ANKRD50: variants seen among roughly 807,000 people sequenced by gnomAD.
ANKRD50 encodes the protein ankyrin repeat domain 50.
In ANKRD50, 40 loss-of-function variants were observed where a neutral mutation model predicts 112.0. The ratio of observed to expected loss-of-function variants is 0.36; its 90% CI spans 0.28 to 0.46. ANKRD50 has a LOEUF of 0.46. Among genes scored for constraint, ANKRD50 ranks in the 20% least tolerant of loss-of-function variants. The pLI, the probability that ANKRD50 is intolerant of heterozygous loss-of-function variation, is 1.00. For synonymous variants in ANKRD50, 613 were observed against 619.1 expected, an observed-to-expected ratio of 0.99 and a Z score of 0.15; for missense variants, 1,487 against 1,701.7, an observed-to-expected ratio of 0.87 and a Z score of 2.22.
rs528409956 is a variant in ANKRD50 at position 124,683,700 on chromosome 4, G to C, written c.513-4795C>G. Among the ~76,000 whole-genome samples, 9 of 145,068 alleles carry C rather than the reference G, an allele frequency of 6.2e-5. No individual in the cohort carries two copies. In the South Asian group the frequency reaches 1.9e-3, roughly 31 times the overall value. On this transcript the variant is annotated intron_variant, in intron 2 of 4. Transcript: ENST00000504087. ...CTTATTGGCACTCTTTAAGTGTTAAGAAATTGAGATAGTGCCACTCCACTC... is the reference window on the plus strand; with the variant it reads ...CTTATTGGCACTCTTTAAGTGTTAACAAATTGAGATAGTGCCACTCCACTC...
chr4:124,688,324 G>A (rs1320888385), intron 2 of ANKRD50, among the ~76,000 whole-genome samples: 1 of 152,074 alleles, frequency 6.6e-6, no homozygotes, highest in Non-Finnish European at 1.5e-5. Flanking sequence ...AACTATTGTA[G>A]GAATAAAATT....
chr4:124,675,646 T>C (rs544610705), intron 3 of ANKRD50, among the ~76,000 whole-genome samples: 6 of 151,918 alleles, frequency 3.9e-5, no homozygotes, highest in Admixed American at 1.3e-4. Context: ...TTTGTGTATG[T>C]TGTCATTTAA....
intron 4 of ANKRD50, among the ~76,000 whole-genome samples, chr4:124,667,981 A>G (rs2110505402): frequency 6.6e-6 from 1 of 151,890 alleles, no homozygotes; most frequent in Middle Eastern, 3.4e-3. Flanking sequence ...AGAAGCAGCA[A>G]AAAGGAAAGA....
chr4:124,671,538 G>T lies in ANKRD50; in HGVS notation c.1739C>A (p.Thr580Lys). 1 of 1,613,766 alleles carries T rather than the reference G, an allele frequency of 6.2e-7. No individual in the cohort carries two copies. The highest frequency in any genetic ancestry group is 8.5e-7 in the Non-Finnish European group (1 of 1,179,842). The change falls in exon 4 of 5, where the codon ACA becomes AAA. Residue 580 changes from threonine (T) to lysine (K), a missense_variant. Physicochemically the swap from Thr to Lys is moderately conservative, Grantham distance 78. Coordinates refer to ENST00000504087, the MANE Select transcript of ANKRD50 (RefSeq NM_020337.3). ...CTGTCTAGCCGCTAGAGTGAGTGGTGTATGTCCATGAGCATCTTCTATCTC... is the reference window on the plus strand; with the variant it reads ...CTGTCTAGCCGCTAGAGTGAGTGGTTTATGTCCATGAGCATCTTCTATCTC... ...DLEIEDAHGH[T>K]PLTLAARQGH...
Position 124,670,710 on chromosome 4 carries a change from A to C in ANKRD50, c.2567T>G (p.Phe856Cys). 6.2e-7 allele frequency: 1 copy of C among 1,613,502 alleles called. No individual in the cohort carries two copies. Among genetic ancestry groups the C allele is most frequent in the South Asian group, 1.1e-5 (1 of 90,980 alleles). ...AGWTPLHMAA[F>C]EGHRLICEAL... ...TTCACATATCAATCTGTGCCCTTCA[A>C]AAGCTGCCATGTGCAAAGGTGTCCA... The change falls in exon 4 of 5, where the codon TTT becomes TGT. Residue 856 changes from phenylalanine (F) to cysteine (C), a missense_variant. This residue lies in a region of ANKRD50 where 1,046 missense variants were observed against 1,269.5 expected (regional missense o/e 0.82). Coordinates refer to ENST00000504087, the MANE Select transcript of ANKRD50 (RefSeq NM_020337.3).
At chr4:124,695,591 A>G (rs1725234092) in intron 2 of ANKRD50, among the ~76,000 whole-genome samples, 1 of 152,190 alleles carries the variant, frequency 6.6e-6, no homozygotes, top group Non-Finnish European at 1.5e-5. Flanking sequence ...AGTATCTTGG[A>G]AACAAAATTC....
chr4:124,692,596 C>T (rs13104292), intron 2 of ANKRD50, among the ~76,000 whole-genome samples: 38,285 of 151,946 alleles, frequency 0.25, 5,169 homozygotes, highest in African/African-American at 0.36. Context: ...TAGGAGGCAA[C>T]TAAGTCATGA....
At chr4:124,707,877 G>A (rs1009886815) in intron 2 of ANKRD50, among the ~76,000 whole-genome samples, 1 of 151,958 alleles carries the variant, frequency 6.6e-6, no homozygotes, top group Non-Finnish European at 1.5e-5. Flanking sequence ...TTATTTTTCA[G>A]GAAAATCTAT....
At position 124,669,460 on chromosome 4, in the gene ANKRD50, A is replaced by T. The variant is rs150964092; in HGVS notation, c.3817T>A (p.Ser1273Thr). The T allele has an allele frequency of 1.9e-6, 3 of 1,612,182 alleles. No individual in the cohort carries two copies. In the African/African-American group the frequency reaches 4.0e-5, roughly 22 times the overall value. The stretch of plus-strand genomic sequence containing the variant: ...GATCCAGACTTGGCAGAATTTTCTG[A>T]TTTCCCCCCTTTACTTGCTTTAGTT... The part of the protein sequence containing the change: ...KSTKASKGGK[S>T]ENSAKSGSAG... Residue 1273 changes from serine (S) to threonine (T), a missense_variant, in exon 4 of 5, where the codon TCA becomes ACA. This residue lies in a region of ANKRD50 where 441 missense variants were observed against 432.2 expected (regional missense o/e 1.02). Coordinates refer to ENST00000504087, the MANE Select transcript of ANKRD50 (RefSeq NM_020337.3).
At chr4:124,678,560 T>C (rs1724796457) in intron 3 of ANKRD50, 116 bp downstream of exon 3, 5 of 866,662 alleles carry the variant, frequency 5.8e-6, no homozygotes, top group Non-Finnish European at 7.1e-6. Flanking sequence ...CAATTGAGAA[T>C]AGCTGATAGA....
rs984533573 is a variant in ANKRD50 at position 124,710,029 on chromosome 4, G to A, written c.483C>T (p.Cys161=). Residue 161 remains cysteine (C), a synonymous_variant, in exon 2 of 5, where the codon TGC becomes TGT. Transcript: ENST00000504087. ...AVQSLLQPGE[C]ERNPAEAFKR... is the part of the protein sequence containing the mutation. ...TAAATGCTTCGGCTGGGTTTCTCTC[G>A]CACTCCCCAGGCTGTAAGAGGCTTT... is the stretch of plus-strand genomic sequence containing the variant. The A allele has an allele frequency of 1.4e-5, 23 of 1,612,936 alleles. No homozygotes were observed. Among genetic ancestry groups the A allele is most frequent in the African/African-American group, 2.7e-5 (2 of 74,844 alleles).
chr4:124,665,911 C>A lies in ANKRD50; in HGVS notation c.*1607G>T, dbSNP rs1252427402. On this transcript the variant is annotated 3_prime_UTR_variant, in exon 5 of 5. Transcript: ENST00000504087. ...AATTATACATTTCTATTTCCACGAA[C>A]AATGTATCACATGTGTCCTTCATAT... 1 of 152,094 alleles carries A rather than the reference C, an allele frequency of 6.6e-6. No individual in the cohort carries two copies. The highest frequency in any genetic ancestry group is 1.5e-5 in the Non-Finnish European group (1 of 67,892). 9.4% of individuals were successfully genotyped at this position (152,094 alleles called of 1,614,324 possible).
chr4:124,684,441 C>T (rs1360456634), intron 2 of ANKRD50, among the ~76,000 whole-genome samples: 6 of 152,126 alleles, frequency 3.9e-5, no homozygotes, highest in Non-Finnish European at 7.3e-5. Context: ...TTACTACACC[C>T]AATACTACAC....
rs771593302 is a variant in ANKRD50, at chr4:124,671,155, C to T, written c.2122G>A (p.Val708Ile). ...ACAGAGAGTGCAGTCCTGCCATCAA[C>T]ATCCTCATGATTTACTTCTGCTCCA... Reference protein sequence around the residue: ...DHGAEVNHEDVDGRTALSVAA... With the variant: ...DHGAEVNHEDIDGRTALSVAA... Residue 708 changes from valine to isoleucine, a missense_variant, in exon 4 of 5, where the codon GTT becomes ATT. Around this residue, in one of 2 missense-constraint regions of ANKRD50, gnomAD observed 1,046 missense variants for 1,269.5 expected, o/e 0.82. Transcript: ENST00000504087. 10 of 1,613,912 alleles carry T rather than the reference C, an allele frequency of 6.2e-6. No homozygotes were observed. In the South Asian group the frequency reaches 7.7e-5, roughly 12 times the overall value.
rs1309003634 is a variant in ANKRD50, at chr4:124,670,292, C to T, written c.2985G>A (p.Val995=). Residue 995 remains valine (V), a synonymous_variant, in exon 4 of 5, where the codon GTG becomes GTA. Transcript: ENST00000504087. ...CAGCATGGTATGCTATCAGGACCTGCACCATTTCCATATGGCCTTGCCAAC... is the reference window on the plus strand; with the variant it reads ...CAGCATGGTATGCTATCAGGACCTGTACCATTTCCATATGGCCTTGCCAAC... ...VSCWQGHMEM[V]QVLIAYHADV... 2 of 1,613,946 alleles carry T rather than the reference C, an allele frequency of 1.2e-6. No individual in the cohort carries two copies. The highest frequency in any genetic ancestry group is 1.7e-6 in the Non-Finnish European group (2 of 1,179,910).
Position 124,669,135 on chromosome 4 carries a change from A to T in ANKRD50, c.4142T>A (p.Val1381Asp), listed in dbSNP as rs1270570379. ...SNQVFLGRVSVPRTMQDRGHQ... is the reference protein window; with the variant it reads ...SNQVFLGRVSDPRTMQDRGHQ... Reference sequence around the variant, plus strand: ...CCCTCTATCTTGCATTGTTCGTGGGACTGAAACCCTACCAAGAAAAACCTG... The same window carrying T: ...CCCTCTATCTTGCATTGTTCGTGGGTCTGAAACCCTACCAAGAAAAACCTG... Residue 1381 changes from valine (V) to aspartate (D), a missense_variant, in exon 4 of 5, where the codon GTC (valine) becomes GAC (aspartate). By Grantham distance (152) the Val-to-Asp change is radical. Coordinates refer to ENST00000504087, the MANE Select transcript of ANKRD50 (RefSeq NM_020337.3). 1 of 1,613,524 alleles carries T rather than the reference A, an allele frequency of 6.2e-7. No homozygotes were observed. The highest frequency in any genetic ancestry group is 1.3e-5 in the African/African-American group (1 of 74,856).
At chr4:124,706,754 T>C (rs1725515205) in intron 2 of ANKRD50, among the ~76,000 whole-genome samples, 1 of 152,096 alleles carries the variant, frequency 6.6e-6, no homozygotes, top group South Asian at 2.1e-4. Context: ...AAAATGCATC[T>C]GATAACTCTC....
At position 124,672,091 on chromosome 4, in the gene ANKRD50, G is replaced by C; in HGVS notation, c.1186C>G (p.Leu396Val). 6.2e-7 allele frequency: 1 copy of C among 1,613,860 alleles called. No individual in the cohort carries two copies. The highest frequency in any genetic ancestry group is 8.5e-7 in the Non-Finnish European group (1 of 1,179,856). Reference protein sequence around the residue: ...QRKLDILSKLLVDGLGNTKIL... With the variant: ...QRKLDILSKLVVDGLGNTKIL... ...TTTGTATTTCCTAGTCCATCAACAA[G>C]AAGTTTGGAGAGGATATCTAACTTG... The change falls in exon 4 of 5, where the codon CTT becomes GTT. Residue 396 changes from leucine to valine, a missense_variant. Physicochemically the swap from Leu to Val is conservative, Grantham distance 32. Transcript: ENST00000504087.
chr4:124,700,390 T>C (rs1057411832), intron 2 of ANKRD50, among the ~76,000 whole-genome samples: 1 of 152,180 alleles, frequency 6.6e-6, no homozygotes, highest in African/African-American at 2.4e-5. Context: ...TCTGATAATT[T>C]TGCTTTGTGA....
Sources: allele counts gnomAD v4.1 joint callset (sites outside exome capture counted in the v4.1 genomes callset), GRCh38; gene constraint gnomAD v4.1.1; regional missense constraint gnomAD v4.1.1; transcripts MANE v1.5; gene names NCBI Gene and HGNC (gene_info 2026-07-23, HGNC 2026-07-21).